PPARGC1A: variants seen among roughly 807,000 people sequenced by gnomAD.
The protein encoded by PPARGC1A is peroxisome proliferator-activated receptor gamma coactivator 1-alpha.
PPARGC1A carries 25 observed loss-of-function variants against 88.7 expected under a neutral mutation model. The observed-to-expected ratio is 0.28, with a 90% confidence interval of 0.21 to 0.39. The LOEUF (loss-of-function observed/expected upper bound fraction) is 0.39, where lower values mean the gene tolerates loss of function less well. Ranked by LOEUF, PPARGC1A falls within the 10% of genes least tolerant of loss-of-function variation. The pLI is 1.00. For missense variants in PPARGC1A, 880 were observed against 968.7 expected, an observed-to-expected ratio of 0.91 and a Z score of 1.22; for synonymous variants, 363 against 355.6, an observed-to-expected ratio of 1.02 and a Z score of -0.24.
At chr4:24,128,620 C>T in the PPARGC1A span, among the ~76,000 whole-genome samples, 1 of 149,094 alleles carries the variant, frequency 6.7e-6, no homozygotes, top group East Asian at 2.0e-4. Context: ...GCATATTAAG[C>T]CAAATTCAGT....
chr4:24,084,011 G>A, the PPARGC1A span, among the ~76,000 whole-genome samples: 1 of 152,184 alleles, frequency 6.6e-6, no homozygotes, highest in Non-Finnish European at 1.5e-5. Context: ...GCCCATGAGG[G>A]AGCTGAGACA....
chr4:24,203,933 G>A, the PPARGC1A span, among the ~76,000 whole-genome samples: 9 of 152,208 alleles, frequency 5.9e-5, no homozygotes, highest in African/African-American at 1.7e-4. Context: ...AGTTGCTAGC[G>A]TAGAGCATAA....
At chr4:24,390,725 T>C in the PPARGC1A span, among the ~76,000 whole-genome samples, 2 of 152,048 alleles carry the variant, frequency 1.3e-5, no homozygotes, top group Admixed American at 1.3e-4. Context: ...TACGAAGTAT[T>C]GTTTGAAGCG....
the PPARGC1A span, among the ~76,000 whole-genome samples, chr4:24,186,971 T>C: frequency 1.3e-5 from 2 of 152,220 alleles, no homozygotes; most frequent in Non-Finnish European, 2.9e-5. Flanking sequence ...TTTCCTTAAA[T>C]ACAGTTTTTT....
At chr4:24,385,915 C>G in the PPARGC1A span, among the ~76,000 whole-genome samples, 1 of 152,082 alleles carries the variant, frequency 6.6e-6, no homozygotes, top group Non-Finnish European at 1.5e-5. Context: ...ATCCTGACAC[C>G]AAAACCTGGC....
At chr4:24,130,388 A>G in the PPARGC1A span, among the ~76,000 whole-genome samples, 4 of 152,184 alleles carry the variant, frequency 2.6e-5, no homozygotes, top group African/African-American at 9.7e-5. Flanking sequence ...GACCAAAAAC[A>G]TGGCTTTTAA....
the PPARGC1A span, among the ~76,000 whole-genome samples, chr4:24,106,425 G>C: frequency 7.9e-5 from 12 of 152,188 alleles, no homozygotes; most frequent in Admixed American, 7.9e-4. Context: ...TTCAGGGGCA[G>C]GTCGAATGGC....
At chr4:24,440,931 A>G in the PPARGC1A span, among the ~76,000 whole-genome samples, 11 of 152,136 alleles carry the variant, frequency 7.2e-5, no homozygotes, top group Admixed American at 7.2e-4. Flanking sequence ...AAAACTCAGC[A>G]CTCATCACTG....
chr4:24,088,222 G>A, the PPARGC1A span, among the ~76,000 whole-genome samples: 1 of 152,004 alleles, frequency 6.6e-6, no homozygotes, highest in South Asian at 2.1e-4. Flanking sequence ...CAGATGTGAG[G>A]TGTACACCTG....
At chr4:24,315,169 C>G in the PPARGC1A span, among the ~76,000 whole-genome samples, 1 of 152,246 alleles carries the variant, frequency 6.6e-6, no homozygotes, top group South Asian at 2.1e-4. Flanking sequence ...AGATGATAAA[C>G]AGCTTCTAAC....
chr4:24,025,871 A>G, the PPARGC1A span, among the ~76,000 whole-genome samples: 1 of 152,108 alleles, frequency 6.6e-6, no homozygotes, highest in Non-Finnish European at 1.5e-5. Flanking sequence ...GGAAAAAAAA[A>G]TGTGTCCTGG....
At chr4:24,158,913 C>T in the PPARGC1A span, among the ~76,000 whole-genome samples, 1 of 152,064 alleles carries the variant, frequency 6.6e-6, no homozygotes, top group Non-Finnish European at 1.5e-5. Context: ...TAAAATATAC[C>T]TTTTCCTACA....
At chr4:24,363,112 T>A in the PPARGC1A span, among the ~76,000 whole-genome samples, 1 of 152,148 alleles carries the variant, frequency 6.6e-6, no homozygotes, top group Admixed American at 6.5e-5. Context: ...TTTTCATATT[T>A]CCCTATGACA....
chr4:23,858,452 G>A (rs961658535), intron 2 of PPARGC1A, among the ~76,000 whole-genome samples: 4 of 152,192 alleles, frequency 2.6e-5, no homozygotes, highest in African/African-American at 9.7e-5. Context: ...GTAGAGCTAA[G>A]ATTTGAAAGG....
At chr4:24,170,616 G>T in the PPARGC1A span, among the ~76,000 whole-genome samples, 14 of 152,292 alleles carry the variant, frequency 9.2e-5, no homozygotes, top group African/African-American at 3.1e-4. Context: ...TAGTCCATCA[G>T]CTCGTTGATA....
chr4:24,269,240 G>A, the PPARGC1A span, among the ~76,000 whole-genome samples: 72 of 152,102 alleles, frequency 4.7e-4, no homozygotes, highest in African/African-American at 1.1e-3. Context: ...GAATTTTGAC[G>A]ACCAAATTTT....
chr4:24,419,352 A>AGT, the PPARGC1A span, among the ~76,000 whole-genome samples: 4,481 of 138,850 alleles, frequency 0.032, 167 homozygotes, highest in African/African-American at 0.093. Context: ...CAAATCTTCA[A>AGT]GTGTGTGTGT....
At position 23,795,308 on chromosome 4, in the gene PPARGC1A, TATATATATATATATATATATA is replaced by T. The variant is rs1717340230; in HGVS notation, c.*493_*513del. The T allele has an allele frequency of 7.0e-6, 1 of 143,580 alleles. No individual in the cohort carries two copies. The highest frequency in any genetic ancestry group is 2.6e-5 in the African/African-American group (1 of 39,146). The allele number at this position is 143,580 out of a possible 1,614,324, so 8.9% of individuals were successfully genotyped here. ...TTTTTAATTTATATATATATATATATATATATATATATATATATATATTTCCTTTTGAATAGAATACGAACA... is the reference window on the plus strand; with the variant it reads ...TTTTTAATTTATATATATATATATATTTTCCTTTTGAATAGAATACGAACA... On this transcript the variant is annotated 3_prime_UTR_variant, in exon 13 of 13. Transcript: ENST00000264867.
At chr4:23,821,660 T>G (rs2109565320) in intron 7 of PPARGC1A, among the ~76,000 whole-genome samples, 1 of 152,214 alleles carries the variant, frequency 6.6e-6, no homozygotes, top group African/African-American at 2.4e-5. Context: ...TATCTAATAT[T>G]TATTGAGTAC....
Sources: gnomAD v4.1 joint callset for allele counts (sites outside exome capture counted in the v4.1 genomes callset) on GRCh38, gnomAD v4.1.1 for gene constraint, MANE v1.5 for transcripts, NCBI Gene and HGNC (gene_info 2026-07-23, HGNC 2026-07-21) for gene names.